The following HIP1R variants were observed in gnomAD, a reference collection of about 807,000 sequenced individuals.
HIP1R encodes huntingtin-interacting protein 1-related protein.
In HIP1R, 135 loss-of-function variants were observed where a neutral mutation model predicts 144.2. The observed-to-expected ratio is 0.94, with a 90% confidence interval of 0.81 to 1.08. The LOEUF (loss-of-function observed/expected upper bound fraction) is 1.08, where lower values mean the gene tolerates loss of function less well. HIP1R is among the 50% of genes least tolerant of loss of function. The probability of loss-of-function intolerance (pLI) is 0.00; values close to 1 mark genes in which losing one functional copy is unlikely to be tolerated. For missense variants in HIP1R, 1,462 were observed against 1,432.8 expected (o/e 1.02, Z -0.33); for synonymous variants, 698 against 612.8 (o/e 1.14, Z -2.05).
chr12:122,859,404 G>A (rs1249456373), intron 22 of HIP1R, 22 bp from the exon 23 acceptor site: 5 of 1,598,874 alleles, frequency 3.1e-6, no homozygotes, highest in South Asian at 1.1e-5. Context: ...GGCTACCCCT[G>A]TCTGACTCCC....
Position 122,856,480 on chromosome 12 carries a change from G to A in HIP1R, c.1450G>A (p.Glu484Lys), listed in dbSNP as rs1396599527. The A allele has an allele frequency of 1.9e-6, 3 of 1,590,398 alleles. No individual in the cohort carries two copies. Among genetic ancestry groups the A allele is most frequent in the Admixed American group, 1.8e-5 (1 of 55,542 alleles). ...GACGGTGACGCAGCAAAGCCAGGAG[G>A]AGGTGGCGCGGGTGAAGGAGCAGCT... ...QLTVTQQSQE[E>K]VARVKEQLAF... The change falls in exon 16 of 32, where the codon GAG becomes AAG. Residue 484 changes from glutamate (E) to lysine (K), a missense_variant. Coordinates refer to ENST00000253083, the MANE Select transcript of HIP1R (RefSeq NM_003959.3).
rs2033591486 is a variant in HIP1R at position 122,856,654 on chromosome 12, G to A, written c.1548G>A (p.Lys516=). The change falls in exon 17 of 32, where the codon AAG becomes AAA. Residue 516 remains lysine (K), a synonymous_variant. Coordinates refer to ENST00000253083, the MANE Select transcript of HIP1R (RefSeq NM_003959.3). ...KLEEKSDQLE[K]LKRELEAKAG... is the part of the protein sequence containing the mutation. ...AGGAGAAGAGCGACCAGCTGGAGAA[G>A]CTCAAGAGGGAGCTGGAGGCCAAGG... The A allele has an allele frequency of 1.9e-6, 3 of 1,604,522 alleles. No individual in the cohort carries two copies. Among genetic ancestry groups the A allele is most frequent in the South Asian group, 1.1e-5 (1 of 89,346 alleles).
Position 122,860,026 on chromosome 12 carries a change from G to C in HIP1R, c.2466-21G>C, listed in dbSNP as rs373844982. 8.4e-6 allele frequency: 13 copies of C among 1,549,110 alleles called. No individual in the cohort carries two copies. The African/African-American group carries it at 1.2e-4, about 15-fold the overall frequency. On this transcript the variant is annotated intron_variant, in intron 24 of 31. Coordinates refer to ENST00000253083, the MANE Select transcript of HIP1R (RefSeq NM_003959.3). The stretch of plus-strand genomic sequence containing the variant: ...GGCTGCTCTGCAGAGCGGCAGCTAA[G>C]TCTCTCCTTCTCTCCCCCAGGATCC...
At position 122,841,718 on chromosome 12, in the gene HIP1R, G is replaced by T. The variant is rs557792116; in HGVS notation, c.93+6075G>T. On this transcript the variant is annotated intron_variant, in intron 1 of 31. Transcript: ENST00000253083. The stretch of plus-strand genomic sequence containing the variant: ...TGGAGTGATGTCACCAGGGCCCAGG[G>T]AATGAAACTGCACGACCTGGCTGCC... Among the ~76,000 whole-genome samples, 6 of 152,268 alleles carry T rather than the reference G, an allele frequency of 3.9e-5. No homozygotes were observed. The South Asian group carries it at 1.2e-3, about 32-fold the overall frequency.
In HIP1R at chr12:122,855,279, C is replaced by G; in HGVS notation, c.867C>G (p.Phe289Leu). The change falls in exon 11 of 32, where the codon TTC becomes TTG. Residue 289 changes from phenylalanine to leucine, a missense_variant. Physicochemically the swap from Phe to Leu is conservative, Grantham distance 22. This residue lies in a region of HIP1R where 350 missense variants were observed against 421.1 expected (regional missense o/e 0.83). Transcript: ENST00000253083. ...IPRLPEGPPN[F>L]LRASALAEHI... ...CGCCCCTGCAGGGACCCCCTAACTT[C>G]CTGCGGGCCTCAGCCCTGGCTGAGC... 6.2e-7 allele frequency: 1 copy of G among 1,612,830 alleles called. No homozygotes were observed. Among genetic ancestry groups the G allele is most frequent in the Non-Finnish European group, 8.5e-7 (1 of 1,179,928 alleles).
chr12:122,855,756 G>A, intron 12 of HIP1R, 75 bp from the exon 13 acceptor site: 4 of 1,520,144 alleles, frequency 2.6e-6, no homozygotes, highest in Non-Finnish European at 2.7e-6. Context: ...CCACTGAGGA[G>A]GAGACAGGTT....
At chr12:122,860,643 C>CA in intron 27 of HIP1R, 36 bp from the exon 28 acceptor site, 1 of 1,597,842 alleles carries the variant, frequency 6.3e-7, no homozygotes, top group African/African-American at 1.3e-5. Context: ...TCCGTGGGGT[C>CA]AGAGACCCTG....
At chr12:122,860,320 G>A (rs1229646536) in intron 26 of HIP1R, 103 bp from the exon 27 acceptor site, 2 of 1,542,260 alleles carry the variant, frequency 1.3e-6, no homozygotes, top group Non-Finnish European at 1.8e-6. Context: ...CCTCAGGGAT[G>A]CGCCCTATGG....
Position 122,856,645 on chromosome 12 carries a change from G to T in HIP1R, c.1539G>T (p.Gln513His), listed in dbSNP as rs760342830. 21 of 1,604,804 alleles carry T rather than the reference G, an allele frequency of 1.3e-5. No homozygotes were observed. The highest frequency in any genetic ancestry group is 1.7e-5 in the Non-Finnish European group (20 of 1,175,898). The change falls in exon 17 of 32, where the codon CAG becomes CAT. Residue 513 changes from glutamine to histidine, a missense_variant. By Grantham distance (24) the Gln-to-His change is conservative (BLOSUM62 0). Coordinates refer to ENST00000253083, the MANE Select transcript of HIP1R (RefSeq NM_003959.3). ...SELKLEEKSD[Q>H]LEKLKRELEA... ...CCCAGCTAGAGGAGAAGAGCGACCAGCTGGAGAAGCTCAAGAGGGAGCTGG... is the reference window on the plus strand; with the variant it reads ...CCCAGCTAGAGGAGAAGAGCGACCATCTGGAGAAGCTCAAGAGGGAGCTGG...
At chr12:122,852,267 G>A (rs182994601) in intron 7 of HIP1R, among the ~76,000 whole-genome samples, 68 of 152,328 alleles carry the variant, frequency 4.5e-4, no homozygotes, top group African/African-American at 1.4e-3. Context: ...GGTGGGAGGT[G>A]GGCTCAGAGT....
In HIP1R at chr12:122,835,615, C is replaced by A; in HGVS notation, c.65C>A (p.Ala22Asp). The change falls in exon 1 of 32, where the codon GCC (alanine) becomes GAC (aspartate). Residue 22 changes from alanine to aspartate, a missense_variant. This residue lies in a region of HIP1R where 350 missense variants were observed against 421.1 expected (regional missense o/e 0.83). Transcript: ENST00000253083. ...CGCAGGCCGGGCCACAGCCTGGAGG[C>A]CGAGCGCGAGCAGTTCGACAAGACC... Reference protein sequence around the residue: ...LSRRPGHSLEAEREQFDKTQA... With the variant: ...LSRRPGHSLEDEREQFDKTQA... 7.6e-7 allele frequency: 1 copy of A among 1,312,672 alleles called. No homozygotes were observed. The highest frequency in any genetic ancestry group is 2.6e-4 in the Middle Eastern group (1 of 3,776). The allele number at this position is 1,312,672 out of a possible 1,614,324, so 81.3% of individuals were successfully genotyped here.
In HIP1R at chr12:122,856,160, G is replaced by A. The variant is rs748014313; in HGVS notation, c.1309G>A (p.Glu437Lys). The A allele has an allele frequency of 1.6e-5, 25 of 1,604,086 alleles. No individual in the cohort carries two copies. The highest frequency in any genetic ancestry group is 2.0e-5 in the Non-Finnish European group (23 of 1,175,838). Residue 437 changes from glutamate (E) to lysine (K), a missense_variant, in exon 14 of 32, where the codon GAG becomes AAG. Transcript: ENST00000253083. ...ERSQGLREEA[E>K]RKASATEARY... ...GAGCCAGGGCCTGCGTGAGGAGGCT[G>A]AGAGTACGTGGGGCCTTGGCCACAG...
At chr12:122,842,211 C>T (rs1403330347) in intron 1 of HIP1R, among the ~76,000 whole-genome samples, 1 of 152,218 alleles carries the variant, frequency 6.6e-6, no homozygotes, top group African/African-American at 2.4e-5. Context: ...AGCGTCCGTC[C>T]GTGTGCCCCA....
chr12:122,834,911 G>GA (rs1566097645), upstream of HIP1R: 3 of 1,279,002 alleles, frequency 2.3e-6, no homozygotes, highest in Admixed American at 2.3e-5. Flanking sequence ...GACCAAAAAG[G>GA]AAAAAAAGCG....
chr12:122,835,439 G>C (rs1593853479), upstream of HIP1R: 7 of 1,145,156 alleles, frequency 6.1e-6, no homozygotes, highest in Middle Eastern at 3.8e-4. Flanking sequence ...CTCCCCGGCG[G>C]GCGGGCCCGG....
At chr12:122,841,915 G>A (rs973715865) in intron 1 of HIP1R, among the ~76,000 whole-genome samples, 2 of 152,262 alleles carry the variant, frequency 1.3e-5, no homozygotes, top group East Asian at 1.9e-4. Context: ...TTTCCTAAAC[G>A]CTGAAATGAC....
chr12:122,854,478 C>T (rs2033501200), intron 8 of HIP1R, among the ~76,000 whole-genome samples: 1 of 152,148 alleles, frequency 6.6e-6, no homozygotes, highest in African/African-American at 2.4e-5. Flanking sequence ...CGCCAGGCAC[C>T]CTGGGGGTGC....
chr12:122,860,463 G>C lies in HIP1R; in HGVS notation c.2600G>C (p.Arg867Pro), dbSNP rs780511039. The C allele has an allele frequency of 6.2e-7, 1 of 1,613,256 alleles. No homozygotes were observed. Among genetic ancestry groups the C allele is most frequent in the Non-Finnish European group, 8.5e-7 (1 of 1,180,022 alleles). The change falls in exon 27 of 32, where the codon CGC (arginine) becomes CCC (proline). Residue 867 changes from arginine to proline, a missense_variant. By Grantham distance (103) the Arg-to-Pro change is moderately radical. Coordinates refer to ENST00000253083, the MANE Select transcript of HIP1R (RefSeq NM_003959.3). ...CAGGAATTTTACGCCAAGAACTCGC[G>C]CTGGACCGAAGGCCTCATCTCGGCC... ...TQQEFYAKNS[R>P]WTEGLISASK...
At chr12:122,854,385 T>G (rs1387829319) in intron 8 of HIP1R, among the ~76,000 whole-genome samples, 1 of 147,998 alleles carries the variant, frequency 6.8e-6, no homozygotes, top group Non-Finnish European at 1.5e-5. Flanking sequence ...GCAAAAAACT[T>G]AGTGAGTGGC....
Sources: allele counts gnomAD v4.1 joint callset (sites outside exome capture counted in the v4.1 genomes callset), GRCh38; gene constraint gnomAD v4.1.1; regional missense constraint gnomAD v4.1.1; transcripts MANE v1.5; gene names NCBI Gene and HGNC (gene_info 2026-07-23, HGNC 2026-07-21).